Variants in UPP2 observed in about 807,000 individuals in gnomAD.
The protein encoded by UPP2 is uridine phosphorylase 2, also known as UPase 2.
A neutral mutation model predicts 26.7 loss-of-function variants in UPP2; 23 were observed. That is an observed-to-expected ratio of 0.86 (90% CI 0.62 to 1.22). The LOEUF (loss-of-function observed/expected upper bound fraction) is 1.22. Ranked by LOEUF, UPP2 falls within the 50% of genes most tolerant of loss-of-function variation. The pLI, the probability that UPP2 is intolerant of heterozygous loss-of-function variation, is 0.00. For missense variants in UPP2, 387 were observed against 396.7 expected (o/e 0.98, Z 0.21); for synonymous variants, 127 against 141.3 (o/e 0.90, Z 0.72).
At chr2:158,100,900 G>T (rs369284579), upstream of UPP2, among the ~76,000 whole-genome samples, 3 of 152,272 alleles carry the variant, frequency 2.0e-5, no homozygotes, top group Admixed American at 1.3e-4. Context: ...ACCAAAGGAG[G>T]CCAGTGGGGC....
At chr2:158,088,730 C>T (rs1308723509) in intron 3 of UPP2, among the ~76,000 whole-genome samples, 2 of 152,164 alleles carry the variant, frequency 1.3e-5, no homozygotes, top group Non-Finnish European at 2.9e-5. Context: ...TAGAGCTGAA[C>T]TGCAGTGATT....
chr2:158,078,496 G>A (rs1285591989), intron 3 of UPP2, among the ~76,000 whole-genome samples: 1 of 152,100 alleles, frequency 6.6e-6, no homozygotes, highest in East Asian at 1.9e-4. Context: ...GGATGGAACT[G>A]GCAATCATTA....
intron 3 of UPP2, among the ~76,000 whole-genome samples, chr2:158,079,423 T>C (rs1054771657): frequency 1.3e-5 from 2 of 152,128 alleles, no homozygotes; most frequent in African/African-American, 2.4e-5. Flanking sequence ...GAATTTAGGA[T>C]TGGAGAGCCT....
At position 158,095,362 on chromosome 2, in the gene UPP2, A is replaced by T. The variant is rs893001779; in HGVS notation, c.148-6678A>T. On this transcript the variant is annotated intron_variant, in intron 3 of 9. Coordinates refer to the UPP2 transcript ENST00000605860. ...CCCTCTTTTCCTATAAATGAGTTAA[A>T]TCAACAACCTGATGACTAGCAGGGT... Among the ~76,000 whole-genome samples, 4 of 152,202 alleles carry T rather than the reference A, an allele frequency of 2.6e-5. No individual in the cohort carries two copies. The South Asian group carries it at 8.3e-4, about 31-fold the overall frequency.
intron 3 of UPP2, among the ~76,000 whole-genome samples, chr2:158,086,567 T>C (rs547509607): frequency 1.3e-5 from 2 of 152,118 alleles, no homozygotes; most frequent in Non-Finnish European, 2.9e-5. Flanking sequence ...TATAGTTCCT[T>C]GAGGTGTGAC....
At chr2:158,045,542 C>T (rs1484522080) in intron 3 of UPP2, among the ~76,000 whole-genome samples, 1 of 152,132 alleles carries the variant, frequency 6.6e-6, no homozygotes, top group African/African-American at 2.4e-5. Context: ...CAGTCACTTC[C>T]CATGTTGCCC....
At chr2:158,112,093 C>A (rs1683331202) in intron 2 of UPP2, among the ~76,000 whole-genome samples, 1 of 152,114 alleles carries the variant, frequency 6.6e-6, no homozygotes, top group Non-Finnish European at 1.5e-5. Flanking sequence ...TTTTGCAGAA[C>A]TTGACAAGCT....
intron 2 of UPP2, among the ~76,000 whole-genome samples, chr2:158,006,392 A>T (rs183827630): frequency 1.8e-3 from 266 of 151,672 alleles, no homozygotes; most frequent in African/African-American, 6.1e-3. Context: ...TGGCGTGAAC[A>T]AGGGAGGCGG....
At chr2:158,087,540 T>C (rs1682836497) in intron 3 of UPP2, among the ~76,000 whole-genome samples, 1 of 152,180 alleles carries the variant, frequency 6.6e-6, no homozygotes, top group Non-Finnish European at 1.5e-5. Flanking sequence ...ATTTGTTGCC[T>C]GAATACCTTT....
intron 3 of UPP2, among the ~76,000 whole-genome samples, chr2:158,047,827 C>T (rs7557328): frequency 0.63 from 96,257 of 152,064 alleles, 30,598 homozygotes; most frequent in Non-Finnish European, 0.67. Flanking sequence ...ATGCCAGGCT[C>T]TTTGTAAATT....
chr2:157,995,579 T>C (rs1683312183), intron 2 of UPP2, among the ~76,000 whole-genome samples: 1 of 152,112 alleles, frequency 6.6e-6, no homozygotes, highest in Non-Finnish European at 1.5e-5. Flanking sequence ...TTCATAATAC[T>C]CTTTAAGGTA....
At chr2:158,025,544 C>T (rs376337551) in intron 3 of UPP2, among the ~76,000 whole-genome samples, 3 of 152,158 alleles carry the variant, frequency 2.0e-5, no homozygotes, top group Non-Finnish European at 2.9e-5. Context: ...CTCAAGCCTC[C>T]GGGAGGCCGA....
At chr2:158,016,802 C>T (rs537960917) in intron 3 of UPP2, among the ~76,000 whole-genome samples, 1 of 152,076 alleles carries the variant, frequency 6.6e-6, no homozygotes, top group African/African-American at 2.4e-5. Flanking sequence ...TTTTCTGTCC[C>T]CACCCCACAA....
At chr2:158,116,859 A>C (rs148919617) in intron 3 of UPP2, among the ~76,000 whole-genome samples, 50 of 152,256 alleles carry the variant, frequency 3.3e-4, no homozygotes, top group African/African-American at 1.2e-3. Flanking sequence ...CAGGATGCTT[A>C]CTAAACATTT....
At chr2:158,078,929 C>T (rs1005012891) in intron 3 of UPP2, among the ~76,000 whole-genome samples, 5 of 152,058 alleles carry the variant, frequency 3.3e-5, no homozygotes, top group East Asian at 1.9e-4. Flanking sequence ...AATCTCACCT[C>T]GAATTGTAAT....
intron 3 of UPP2, among the ~76,000 whole-genome samples, chr2:158,038,398 A>G (rs1684035385): frequency 6.6e-6 from 1 of 152,246 alleles, no homozygotes; most frequent in Admixed American, 6.5e-5. Flanking sequence ...TGATAACCCC[A>G]TTTTGATTGC....
upstream of UPP2, chr2:158,101,808 G>C (rs1438330215): frequency 8.3e-7 from 1 of 1,210,678 alleles, no homozygotes; most frequent in African/African-American, 1.6e-5. Flanking sequence ...CTATCTTCTT[G>C]AGGAAGTGCT....
chr2:158,085,484 G>A (rs1395447872), intron 3 of UPP2, among the ~76,000 whole-genome samples: 1 of 152,026 alleles, frequency 6.6e-6, no homozygotes, highest in Non-Finnish European at 1.5e-5. Flanking sequence ...TGATTTGGAT[G>A]CCCTTTATTT....
intron 3 of UPP2, among the ~76,000 whole-genome samples, chr2:158,091,134 A>T (rs935715844): frequency 2.0e-5 from 3 of 152,246 alleles, no homozygotes; most frequent in African/African-American, 7.2e-5. Flanking sequence ...AAAATAAGAC[A>T]TTAATGTCAA....
Sources: gnomAD v4.1 joint callset for allele counts (sites outside exome capture counted in the v4.1 genomes callset) on GRCh38, gnomAD v4.1.1 for gene constraint, MANE v1.5 for transcripts, NCBI Gene and HGNC (gene_info 2026-07-23, HGNC 2026-07-21) for gene names.